ZFP64: variants seen among roughly 807,000 people sequenced by gnomAD.
ZFP64 encodes the protein zinc finger protein 64.
In ZFP64, 14 loss-of-function variants were observed where a neutral mutation model predicts 51.6. The ratio of observed to expected loss-of-function variants is 0.27; its 90% CI spans 0.18 to 0.42. The LOEUF is 0.42. Ranked by LOEUF, ZFP64 falls within the 10% of genes least tolerant of loss-of-function variation. The pLI is 1.00. For synonymous variants in ZFP64, 375 were observed against 361.4 expected (o/e 1.04, Z -0.43); for missense variants, 754 against 906.8 (o/e 0.83, Z 2.16).
chr20:52,164,118 C>T (rs946955703), intron 4 of ZFP64, among the ~76,000 whole-genome samples: 6 of 152,132 alleles, frequency 3.9e-5, no homozygotes, highest in African/African-American at 1.4e-4. Flanking sequence ...CGAGACCAGC[C>T]TGGGCAACAT....
intron 5 of ZFP64, among the ~76,000 whole-genome samples, chr20:52,129,346 T>A (rs531172488): frequency 7.9e-5 from 12 of 151,604 alleles, no homozygotes; most frequent in African/African-American, 1.7e-4. Flanking sequence ...TTAGTAGAGA[T>A]GGGGTTTTGC....
intron 5 of ZFP64, among the ~76,000 whole-genome samples, chr20:52,159,206 G>A (rs1354897221): frequency 6.6e-6 from 1 of 152,222 alleles, no homozygotes; most frequent in Non-Finnish European, 1.5e-5. Context: ...TTTCATGGTT[G>A]TTACTGCAGC....
chr20:52,136,119 A>AC (rs1258631975), intron 5 of ZFP64, among the ~76,000 whole-genome samples: 1 of 150,114 alleles, frequency 6.7e-6, no homozygotes, highest in African/African-American at 2.4e-5. Context: ...AAAAAAAAAA[A>AC]AGAAAAAACC....
intron 5 of ZFP64, chr20:52,105,276 G>A (rs1368151909): frequency 2.3e-6 from 3 of 1,292,302 alleles, no homozygotes; most frequent in African/African-American, 3.1e-5. Context: ...CCTAGGAGTG[G>A]CCTACTTCAC....
intron 7 of ZFP64, chr20:52,088,653 C>T: frequency 6.2e-7 from 1 of 1,613,078 alleles, no homozygotes; most frequent in Non-Finnish European, 8.5e-7. Flanking sequence ...CCTTCAAACA[C>T]ATAAGGAGTC....
chr20:52,089,988 A>G lies in ZFP64; in HGVS notation c.977-1345T>C, dbSNP rs116722848. ...ACAAAACAAAAAGAAAAAGCCACCT[A>G]TTAAGAAAAATCTTAGAAATGGAAG... On this transcript the variant is annotated intron_variant, in intron 7 of 8. Coordinates refer to the ZFP64 transcript ENST00000361387. Among the ~76,000 whole-genome samples, 1,245 of 152,346 alleles carry G rather than the reference A, an allele frequency of 8.2e-3. 18 individuals carry two copies. The highest frequency in any genetic ancestry group is 0.028 in the African/African-American group (1,165 of 41,570).
At chr20:52,103,637 C>A (rs1260328134) in intron 5 of ZFP64, among the ~76,000 whole-genome samples, 1 of 152,176 alleles carries the variant, frequency 6.6e-6, no homozygotes, top group African/African-American at 2.4e-5. Flanking sequence ...TGGGGTTACT[C>A]AGCAATTCTC....
chr20:52,139,105 C>T (rs540348250), intron 5 of ZFP64, among the ~76,000 whole-genome samples: 2 of 152,248 alleles, frequency 1.3e-5, no homozygotes, highest in African/African-American at 4.8e-5. Context: ...CTTAGTTCGG[C>T]CACTGTGGAA....
intron 5 of ZFP64, among the ~76,000 whole-genome samples, chr20:52,119,720 ACT>A (rs1403065215): frequency 1.3e-5 from 2 of 150,924 alleles, no homozygotes; most frequent in African/African-American, 2.4e-5. Flanking sequence ...ACAGAGAAAG[ACT>A]CTGTCTCAAA....
intron 5 of ZFP64, among the ~76,000 whole-genome samples, chr20:52,156,037 T>G (rs1981292567): frequency 6.6e-6 from 1 of 152,216 alleles, no homozygotes; most frequent in Non-Finnish European, 1.5e-5. Context: ...TCTAGACCAA[T>G]TTTAAAGATG....
At chr20:52,128,934 G>A (rs1979576481) in intron 5 of ZFP64, among the ~76,000 whole-genome samples, 2 of 151,580 alleles carry the variant, frequency 1.3e-5, no homozygotes. Flanking sequence ...CTTTTTCTGA[G>A]ACGGAGTCTC....
downstream of ZFP64, among the ~76,000 whole-genome samples, chr20:52,147,700 A>G: frequency 6.6e-6 from 1 of 152,178 alleles, no homozygotes; most frequent in Admixed American, 6.5e-5. Flanking sequence ...ATTCACAATT[A>G]TGATAAAATT....
chr20:52,145,902 A>T (rs1980501378), intron 5 of ZFP64, among the ~76,000 whole-genome samples: 1 of 152,176 alleles, frequency 6.6e-6, no homozygotes. Context: ...AGTATAGCTT[A>T]TTGTAACTGT....
At chr20:52,180,970 A>T (rs1983572453) in intron 2 of ZFP64, among the ~76,000 whole-genome samples, 1 of 152,042 alleles carries the variant, frequency 6.6e-6, no homozygotes, top group Non-Finnish European at 1.5e-5. Flanking sequence ...TCTGTCGCCC[A>T]GGCTGGAATG....
At chr20:52,088,127 T>C (rs2078883378) in intron 8 of ZFP64, 4 of 524,486 alleles carry the variant, frequency 7.6e-6, no homozygotes, top group African/African-American at 1.9e-5. Flanking sequence ...AGATACATCA[T>C]TGGCTTCTTG....
At chr20:52,176,238 C>G (rs1021609867) in intron 2 of ZFP64, among the ~76,000 whole-genome samples, 5 of 152,150 alleles carry the variant, frequency 3.3e-5, no homozygotes, top group African/African-American at 1.2e-4. Flanking sequence ...ACCTTCCCCC[C>G]ACCCGCCCAA....
At chr20:52,104,833 C>T in intron 5 of ZFP64, 1 of 635,228 alleles carries the variant, frequency 1.6e-6, no homozygotes. Context: ...ATCCCGAAAA[C>T]AGCCTCTGAG....
chr20:52,142,411 C>CACACACACACACAG (rs1980316784), intron 5 of ZFP64, among the ~76,000 whole-genome samples: 1 of 150,300 alleles, frequency 6.7e-6, no homozygotes, highest in African/African-American at 2.5e-5. Context: ...CACACACACA[C>CACACACACACACAG]ACACACAAAT....
At chr20:52,120,042 G>A (rs1834279095) in intron 5 of ZFP64, among the ~76,000 whole-genome samples, 1 of 152,268 alleles carries the variant, frequency 6.6e-6, no homozygotes, top group African/African-American at 2.4e-5. Flanking sequence ...TTTGGATCAT[G>A]GAGCTGGAAC....
Sources: gnomAD v4.1 joint callset for allele counts (sites outside exome capture counted in the v4.1 genomes callset) on GRCh38, gnomAD v4.1.1 for gene constraint, MANE v1.5 for transcripts, NCBI Gene and HGNC (gene_info 2026-07-23, HGNC 2026-07-21) for gene names.